The following ESR2 variants were observed in gnomAD, a reference collection of about 807,000 sequenced individuals.
ESR2 encodes estrogen receptor beta.
Under a neutral mutation model 49.6 loss-of-function variants are expected in ESR2, and 36 were observed. The ratio of observed to expected loss-of-function variants is 0.73; its 90% CI spans 0.56 to 0.96. The LOEUF (loss-of-function observed/expected upper bound fraction) is 0.96, where lower values mean the gene tolerates loss of function less well. Among genes scored for constraint, ESR2 ranks in the 40% least tolerant of loss-of-function variants. ESR2 has a pLI of 0.00. For synonymous variants in ESR2, 320 were observed against 266.1 expected (o/e 1.20, Z -1.97); for missense variants, 714 against 693.0 (o/e 1.03, Z -0.34).
At chr14:64,317,443 G>C (rs1596488724) in intron 1 of ESR2, among the ~76,000 whole-genome samples, 1 of 152,268 alleles carries the variant, frequency 6.6e-6, no homozygotes, top group Non-Finnish European at 1.5e-5. Context: ...CCCAGCACCT[G>C]ACAGCATATC....
chr14:64,298,596 A>G (rs1390829861), upstream of ESR2: 1 of 152,198 alleles, frequency 6.6e-6, no homozygotes, highest in Non-Finnish European at 1.5e-5. Flanking sequence ...AGAGGGTAAC[A>G]AGGACATAAG....
At chr14:64,237,065 A>G (rs1416014277) in intron 7 of ESR2, among the ~76,000 whole-genome samples, 1 of 151,776 alleles carries the variant, frequency 6.6e-6, no homozygotes, top group East Asian at 1.9e-4. Context: ...GTTTCAAGCA[A>G]TTCTCCTGCC....
intron 1 of ESR2, chr14:64,303,510 C>T (rs1304948121): frequency 6.6e-6 from 1 of 152,016 alleles, no homozygotes; most frequent in African/African-American, 2.4e-5. Context: ...GTGCATTCTC[C>T]TCCTGCTCCC....
chr14:64,259,517 C>G (rs1194242757), intron 5 of ESR2, among the ~76,000 whole-genome samples: 3 of 152,168 alleles, frequency 2.0e-5, no homozygotes, highest in African/African-American at 7.2e-5. Context: ...GGTTAGAATC[C>G]TAGATTCACT....
chr14:64,244,008 G>A (rs2075796872), intron 7 of ESR2, among the ~76,000 whole-genome samples: 1 of 152,188 alleles, frequency 6.6e-6, no homozygotes, highest in Non-Finnish European at 1.5e-5. Context: ...AGTCTTAGGT[G>A]TCAACTTGAC....
Position 64,260,562 on chromosome 14 carries a change from A to G in ESR2, c.839T>C (p.Val280Ala). Reference protein sequence around the residue: ...LTLLEAEPPHVLISRPSAPFT... With the variant: ...LTLLEAEPPHALISRPSAPFT... ...GGGCGCACTGGGGCGGCTGATCAGC[A>G]CATGGGGCGGCTCAGCCTCCAGGAG... The change falls in exon 5 of 9, where the codon GTG (valine) becomes GCG (alanine). Residue 280 changes from valine (V) to alanine (A), a missense_variant. By Grantham distance (64) the Val-to-Ala change is moderately conservative. Coordinates refer to ENST00000341099, the MANE Select transcript of ESR2 (RefSeq NM_001437.3). The G allele has an allele frequency of 3.1e-6, 5 of 1,596,838 alleles. No individual in the cohort carries two copies. Among genetic ancestry groups the G allele is most frequent in the East Asian group, 4.5e-5 (2 of 44,572 alleles).
intron 1 of ESR2, among the ~76,000 whole-genome samples, chr14:64,327,205 G>A (rs954458210): frequency 6.6e-6 from 1 of 152,074 alleles, no homozygotes; most frequent in African/African-American, 2.4e-5. Context: ...GTAGACTAAA[G>A]TAATTCAAAC....
chr14:64,266,457 A>G (rs1054223192), intron 4 of ESR2, among the ~76,000 whole-genome samples: 3 of 152,254 alleles, frequency 2.0e-5, no homozygotes, highest in Non-Finnish European at 4.4e-5. Flanking sequence ...TCTTCCCTGC[A>G]TACACTGCCT....
chr14:64,303,717 TGAAATATATA>T (rs2077056117), intron 1 of ESR2: 1 of 152,260 alleles, frequency 6.6e-6, no homozygotes, highest in Admixed American at 6.5e-5. Context: ...TGTAACATGT[TGAAATATATA>T]GAGAGCTAAT....
chr14:64,318,782 C>T (rs973324192), intron 1 of ESR2, among the ~76,000 whole-genome samples: 1 of 151,780 alleles, frequency 6.6e-6, no homozygotes, highest in African/African-American at 2.4e-5. Context: ...GTGGTTCATG[C>T]CTGTAATCCC....
At chr14:64,304,863 G>A (rs965574991) in intron 1 of ESR2, among the ~76,000 whole-genome samples, 1 of 151,980 alleles carries the variant, frequency 6.6e-6, no homozygotes, top group Non-Finnish European at 1.5e-5. Flanking sequence ...GCAACAGAGC[G>A]AGACATTCTG....
At chr14:64,335,584 T>C (rs2077519834) in intron 1 of ESR2, among the ~76,000 whole-genome samples, 1 of 152,112 alleles carries the variant, frequency 6.6e-6, no homozygotes, top group Admixed American at 6.6e-5. Flanking sequence ...CTGCGTGACC[T>C]CATCTAAATC....
Position 64,257,290 on chromosome 14 carries a change from G to T in ESR2, c.1027C>A (p.Leu343Met). 1.2e-6 allele frequency: 2 copies of T among 1,614,116 alleles called. No individual in the cohort carries two copies. Among genetic ancestry groups the T allele is most frequent in the South Asian group, 2.2e-5 (2 of 91,086 alleles). Residue 343 changes from leucine (L) to methionine (M), a missense_variant, in exon 6 of 9, where the codon CTG (leucine) becomes ATG (methionine). Transcript: ENST00000341099. ...SCWMEVLMMG[L>M]MWRSIDHPGK... ...GGGTGGTCAATTGAGCGCCACATCA[G>T]CCCCATCATTAACACCTCCATCCAA...
intron 4 of ESR2, among the ~76,000 whole-genome samples, chr14:64,265,817 G>T (rs894153520): frequency 6.6e-6 from 1 of 152,132 alleles, no homozygotes; most frequent in African/African-American, 2.4e-5. Context: ...AGACTACATG[G>T]TTTCAAAATA....
intron 6 of ESR2, among the ~76,000 whole-genome samples, chr14:64,250,675 G>A (rs1487513823): frequency 6.6e-6 from 1 of 152,178 alleles, no homozygotes; most frequent in Non-Finnish European, 1.5e-5. Context: ...AGCCCCTGAA[G>A]GGGCCTTGAG....
Position 64,235,038 on chromosome 14 carries a change from G to A in ESR2, c.1338C>T (p.Ile446=). The part of the protein sequence containing the change: ...ALVWVIAKSG[I]SSQQQSMRLA... Reference sequence around the variant, plus strand: ...GGCGCATGGATTGCTGCTGGGAGGAGATGCCGCTCTTGGCAATCACCCAAA... The same window carrying A: ...GGCGCATGGATTGCTGCTGGGAGGAAATGCCGCTCTTGGCAATCACCCAAA... The change falls in exon 8 of 9, where the codon ATC becomes ATT. Residue 446 remains isoleucine, a synonymous_variant. Coordinates refer to ENST00000341099, the MANE Select transcript of ESR2 (RefSeq NM_001437.3). The A allele has an allele frequency of 6.2e-7, 1 of 1,614,226 alleles. No individual in the cohort carries two copies. The highest frequency in any genetic ancestry group is 8.5e-7 in the Non-Finnish European group (1 of 1,180,030).
intron 1 of ESR2, among the ~76,000 whole-genome samples, chr14:64,337,171 T>C (rs1376443692): frequency 1.3e-5 from 2 of 152,210 alleles, no homozygotes; most frequent in Non-Finnish European, 2.9e-5. Flanking sequence ...AGTACCATGG[T>C]TGAAAACCAA....
upstream of ESR2, chr14:64,298,284 G>C (rs958323333): frequency 2.6e-5 from 4 of 152,152 alleles, no homozygotes; most frequent in Non-Finnish European, 5.9e-5. Context: ...CCCTGGGACT[G>C]TCTATTTTAC....
chr14:64,260,685 A>C lies in ESR2; in HGVS notation c.716T>G (p.Leu239Arg). Residue 239 changes from leucine to arginine, a missense_variant, in exon 5 of 9, where the codon CTG becomes CGG. By Grantham distance (102) the Leu-to-Arg change is moderately radical (BLOSUM62 -2). Transcript: ENST00000341099. The stretch of plus-strand genomic sequence containing the variant: ...TCTCTTGGCCTTGCCGGCACAGTGC[A>C]GCTGCTCGTCGGCACTTCTCTGTCT... The part of the protein sequence containing the change: ...VRRQRSADEQ[L>R]HCAGKAKRSG... The C allele has an allele frequency of 6.4e-7, 1 of 1,560,372 alleles. No homozygotes were observed. The highest frequency in any genetic ancestry group is 1.9e-5 in the Admixed American group (1 of 53,322).
Sources: gnomAD v4.1 joint callset for allele counts (sites outside exome capture counted in the v4.1 genomes callset) on GRCh38, gnomAD v4.1.1 for gene constraint, MANE v1.5 for transcripts, NCBI Gene and HGNC (gene_info 2026-07-23, HGNC 2026-07-21) for gene names.